CCDC125: variants seen among roughly 807,000 people sequenced by gnomAD.
The protein encoded by CCDC125 is coiled-coil domain containing 125, also known as coiled-coil domain-containing protein 125.
In CCDC125, 43 loss-of-function variants were observed where a neutral mutation model predicts 57.4. The observed-to-expected ratio is 0.75, with a 90% confidence interval of 0.59 to 0.97. The LOEUF (loss-of-function observed/expected upper bound fraction) is 0.97. Ranked by LOEUF, CCDC125 falls within the 50% of genes least tolerant of loss-of-function variation. The pLI, the probability that CCDC125 is intolerant of heterozygous loss-of-function variation, is 0.00. For missense variants in CCDC125, 563 were observed against 595.7 expected (o/e 0.95, Z 0.57); for synonymous variants, 187 against 195.2 (o/e 0.96, Z 0.35).
At position 69,282,622 on chromosome 5, in the gene CCDC125, T is replaced by C; in HGVS notation, c.*107A>G. The C allele has an allele frequency of 1.1e-6, 1 of 893,046 alleles. No homozygotes were observed. Among genetic ancestry groups the C allele is most frequent in the South Asian group, 1.9e-5 (1 of 51,450 alleles). The allele number at this position is 893,046 out of a possible 1,614,324, so 55.3% of individuals were successfully genotyped here. A position where few individuals can be genotyped will look rare whatever the true frequency, so the allele number is the denominator to read the frequency against. On this transcript the variant is annotated 3_prime_UTR_variant, in exon 12 of 12. Transcript: ENST00000396496. ...TAAGTGACCTCCTAAAATTTAGAAA[T>C]ACCTAGGAAACATACAACTTCTCAA...
rs556340526 is a variant in CCDC125 at position 69,318,265 on chromosome 5, C to T, written c.304+1972G>A. 3.3e-5 allele frequency among the ~76,000 whole-genome samples: 5 copies of T among 151,606 alleles called. No individual in the cohort carries two copies. The East Asian group carries it at 5.9e-4, about 18-fold the overall frequency. The stretch of plus-strand genomic sequence containing the variant: ...AAAGTGCTGGGATTACAGGCGTGAG[C>T]CACAGCACCTGGCCGAAAAAATTTC... On this transcript the variant is annotated intron_variant, in intron 2 of 11. Transcript: ENST00000396496.
chr5:69,282,000 C>T lies in CCDC125; in HGVS notation c.*729G>A, dbSNP rs567121802. On this transcript the variant is annotated 3_prime_UTR_variant, in exon 12 of 12. Coordinates refer to ENST00000396496, the MANE Select transcript of CCDC125 (RefSeq NM_176816.5). ...CCGCCTCCCAGGTTCAAGCGATTCT[C>T]CTACCTCAGCCTCCCAAGTAGCTGG... 6.6e-6 allele frequency: 1 copy of T among 151,888 alleles called. No homozygotes were observed. Among genetic ancestry groups the T allele is most frequent in the East Asian group, 2.0e-4 (1 of 5,104 alleles). 9.4% of individuals were successfully genotyped at this position (151,888 alleles called of 1,614,324 possible).
downstream of CCDC125, among the ~76,000 whole-genome samples, chr5:69,279,847 A>G (rs1752382350): frequency 6.7e-6 from 1 of 149,986 alleles, no homozygotes; most frequent in Non-Finnish European, 1.5e-5. Flanking sequence ...AATACTACCC[A>G]AGACTCAGTA....
chr5:69,311,036 T>C (rs1163261935), intron 4 of CCDC125, 82 bp downstream of exon 4: 15 of 860,218 alleles, frequency 1.7e-5, no homozygotes, highest in Non-Finnish European at 1.5e-5. Flanking sequence ...TAAGTCCTTC[T>C]GCCTTGGTTT....
At chr5:69,297,125 G>A (rs1262559300) in intron 8 of CCDC125, among the ~76,000 whole-genome samples, 1 of 152,090 alleles carries the variant, frequency 6.6e-6, no homozygotes, top group East Asian at 1.9e-4. Context: ...GAGTGCAGTG[G>A]TACAATCTCG....
chr5:69,296,158 A>G (rs1292128112), intron 8 of CCDC125, among the ~76,000 whole-genome samples: 1 of 151,896 alleles, frequency 6.6e-6, no homozygotes, highest in Non-Finnish European at 1.5e-5. Flanking sequence ...CTGGGATTAC[A>G]GGCATGAGCC....
intron 10 of CCDC125, among the ~76,000 whole-genome samples, chr5:69,286,293 G>A (rs1219094491): frequency 5.0e-5 from 7 of 141,146 alleles, no homozygotes; most frequent in Non-Finnish European, 6.1e-5. Flanking sequence ...GTGCAGTGGC[G>A]CAATCTCGGC....
Position 69,281,939 on chromosome 5 carries a change from G to A in CCDC125, c.*790C>T, listed in dbSNP as rs1752519579. The A allele has an allele frequency of 6.7e-6, 1 of 149,654 alleles. No individual in the cohort carries two copies. The highest frequency in any genetic ancestry group is 6.7e-5 in the Admixed American group (1 of 15,006). 9.3% of individuals were successfully genotyped at this position (149,654 alleles called of 1,614,324 possible). On this transcript the variant is annotated 3_prime_UTR_variant, in exon 12 of 12. Transcript: ENST00000396496. ...GAGTTTCGCTCTTGTCGCCCAGGCT[G>A]GAGTGCAATGACACAGTCTCGGCTT...
Position 69,300,765 on chromosome 5 carries a change from C to A in CCDC125, c.701-638G>T, listed in dbSNP as rs569203200. Among the ~76,000 whole-genome samples, 108 of 152,214 alleles carry A rather than the reference C, an allele frequency of 7.1e-4. No individual in the cohort carries two copies. In the South Asian group the frequency reaches 0.022, roughly 31 times the overall value. ...AGAAGCTCCAGCTGTGTGTGCAGAT[C>A]TCAGCTGGAGGCGTTTATACAACTC... On this transcript the variant is annotated intron_variant, in intron 7 of 11. Coordinates refer to ENST00000396496, the MANE Select transcript of CCDC125 (RefSeq NM_176816.5).
At chr5:69,330,335 G>T (rs982138311) in intron 1 of CCDC125, among the ~76,000 whole-genome samples, 1 of 152,102 alleles carries the variant, frequency 6.6e-6, no homozygotes, top group Non-Finnish European at 1.5e-5. Context: ...GGTGGCTCAT[G>T]CCTGTAATCC....
chr5:69,307,846 C>T lies in CCDC125; in HGVS notation c.531+105G>A, dbSNP rs1757576882. The T allele has an allele frequency of 3.1e-5, 25 of 814,402 alleles. 1 individual carries two copies. Among genetic ancestry groups the T allele is most frequent in the South Asian group, 2.7e-4 (19 of 69,806 alleles). 50.4% of individuals were successfully genotyped at this position (814,402 alleles called of 1,614,324 possible). A position where few individuals can be genotyped will look rare whatever the true frequency, so the allele number is the denominator to read the frequency against. On this transcript the variant is annotated intron_variant, in intron 5 of 11. Coordinates refer to ENST00000396496, the MANE Select transcript of CCDC125 (RefSeq NM_176816.5). ...ACCATCAGAACTGAAGCACACCTAG[C>T]AGAAGGTAGGCACAAGTGACAGATC...
At chr5:69,323,236 G>C (rs1321108447) in intron 1 of CCDC125, among the ~76,000 whole-genome samples, 2 of 151,708 alleles carry the variant, frequency 1.3e-5, no homozygotes, top group African/African-American at 4.8e-5. Flanking sequence ...TTGAACCTGG[G>C]AGACAGAGGT....
intron 7 of CCDC125, among the ~76,000 whole-genome samples, chr5:69,301,264 C>T (rs1248261079): frequency 6.6e-6 from 1 of 152,070 alleles, no homozygotes; most frequent in African/African-American, 2.4e-5. Flanking sequence ...GCATGAGCAA[C>T]AGCGCCTGGC....
At chr5:69,279,262 A>T (rs1230258174), downstream of CCDC125, among the ~76,000 whole-genome samples, 1 of 145,470 alleles carries the variant, frequency 6.9e-6, no homozygotes, top group Non-Finnish European at 1.5e-5. Flanking sequence ...CAGTGGCACG[A>T]TCTCGGCTCA....
intron 4 of CCDC125, chr5:69,308,280 C>T (rs1466861292): frequency 2.0e-6 from 1 of 492,560 alleles, no homozygotes; most frequent in Non-Finnish European, 3.7e-6. Flanking sequence ...CAGTACTATT[C>T]ATCAGTCAAA....
At chr5:69,310,907 G>A (rs1758025595) in intron 4 of CCDC125, 1 of 285,490 alleles carries the variant, frequency 3.5e-6, no homozygotes, top group Non-Finnish European at 6.5e-6. Flanking sequence ...TAATGATGGT[G>A]GTACAACTCT....
the CCDC125 span, among the ~76,000 whole-genome samples, chr5:69,274,760 T>G: frequency 6.6e-6 from 1 of 151,882 alleles, no homozygotes; most frequent in Non-Finnish European, 1.5e-5. Flanking sequence ...GGATTACAGG[T>G]GCACACCACC....
At position 69,282,056 on chromosome 5, in the gene CCDC125, A is replaced by G. The variant is rs1365561968; in HGVS notation, c.*673T>C. 3 of 151,870 alleles carry G rather than the reference A, an allele frequency of 2.0e-5. No individual in the cohort carries two copies. The East Asian group carries it at 5.9e-4, about 30-fold the overall frequency. 9.4% of individuals were successfully genotyped at this position (151,870 alleles called of 1,614,324 possible). A position where few individuals can be genotyped will look rare whatever the true frequency, so the allele number is the denominator to read the frequency against. On this transcript the variant is annotated 3_prime_UTR_variant, in exon 12 of 12. Coordinates refer to ENST00000396496, the MANE Select transcript of CCDC125 (RefSeq NM_176816.5). Reference sequence around the variant, plus strand: ...CAGGCATGCGCCACTAGGCCTAGCTAATTTTTTGTATTTTTAGTAGAGATG... The same window carrying G: ...CAGGCATGCGCCACTAGGCCTAGCTGATTTTTTGTATTTTTAGTAGAGATG...
chr5:69,284,170 G>A (rs1001922016), intron 11 of CCDC125, among the ~76,000 whole-genome samples: 2 of 151,540 alleles, frequency 1.3e-5, no homozygotes, highest in Non-Finnish European at 2.9e-5. Context: ...ATCTGGAAAT[G>A]AAGGGAAAAT....
Sources: allele counts gnomAD v4.1 joint callset (sites outside exome capture counted in the v4.1 genomes callset), GRCh38; gene constraint gnomAD v4.1.1; transcripts MANE v1.5; gene names NCBI Gene and HGNC (gene_info 2026-07-23, HGNC 2026-07-21).